The following RIMS2 variants were observed in gnomAD, a reference collection of about 807,000 sequenced individuals.
The protein encoded by RIMS2 is regulating synaptic membrane exocytosis protein 2.
In RIMS2, 59 loss-of-function variants were observed where a neutral mutation model predicts 174.4. The observed-to-expected ratio is 0.34, with a 90% CI of 0.27 to 0.42. The LOEUF is 0.42. RIMS2 is among the 10% of genes least tolerant of loss of function. The pLI, the probability that RIMS2 is intolerant of heterozygous loss-of-function variation, is 1.00. For synonymous variants in RIMS2, 606 were observed against 572.5 expected, an observed-to-expected ratio of 1.06 and a Z score of -0.84; for missense variants, 1,620 against 1,666.3, an observed-to-expected ratio of 0.97 and a Z score of 0.48.
At chr8:103,843,107 A>C (rs962325728) in intron 3 of RIMS2, among the ~76,000 whole-genome samples, 4 of 152,198 alleles carry the variant, frequency 2.6e-5, no homozygotes, top group Non-Finnish European at 5.9e-5. Context: ...ACATTCTGAG[A>C]TGCTGGGAGT....
chr8:103,525,657 A>T (rs1833644994), intron 1 of RIMS2, among the ~76,000 whole-genome samples: 1 of 152,236 alleles, frequency 6.6e-6, no homozygotes, highest in South Asian at 2.1e-4. Flanking sequence ...GGCAAAAATG[A>T]CAAAATATCT....
intron 1 of RIMS2, among the ~76,000 whole-genome samples, chr8:103,651,165 C>T (rs1039386628): frequency 7.9e-5 from 12 of 152,190 alleles, no homozygotes; most frequent in African/African-American, 2.9e-4. Flanking sequence ...GTGGGAGAAA[C>T]GTGGTTTCCT....
Position 104,121,810 on chromosome 8 carries a change from A to G in RIMS2, c.3334+107195A>G, listed in dbSNP as rs1004828787. ...AACCTCGTCTCTACTAAAAATACAA[A>G]AATTAGCCAGGCGTGGTGACACACG... is the stretch of plus-strand genomic sequence containing the variant. On this transcript the variant is annotated intron_variant, in intron 19 of 23. Coordinates refer to ENST00000504942, the Ensembl canonical transcript of RIMS2. Among the ~76,000 whole-genome samples, 165 of 152,128 alleles carry G rather than the reference A, an allele frequency of 1.1e-3. 4 individuals are homozygous for G. The highest frequency in any genetic ancestry group is 0.011 in the Admixed American group (164 of 15,290).
At chr8:103,936,553 A>T (rs1431997001) in exon 13 of RIMS2, 1 of 1,555,852 alleles carries the variant, frequency 6.4e-7, no homozygotes, top group Admixed American at 2.0e-5. Context: ...TTCCATAGTG[A>T]TAAAAACAAG....
chr8:103,585,965 C>T (rs775289290), intron 1 of RIMS2, among the ~76,000 whole-genome samples: 5 of 146,224 alleles, frequency 3.4e-5, no homozygotes, highest in Admixed American at 6.8e-5. Context: ...CAAGCAAAAT[C>T]GATCTCAAGA....
intron 3 of RIMS2, among the ~76,000 whole-genome samples, chr8:103,836,979 G>T (rs549144483): frequency 3.8e-4 from 58 of 152,316 alleles, no homozygotes; most frequent in African/African-American, 1.3e-3. Flanking sequence ...ATGAGCATAT[G>T]AATCTTTTAA....
intron 19 of RIMS2, among the ~76,000 whole-genome samples, chr8:104,075,289 C>T (rs937655807): frequency 8.5e-5 from 13 of 152,160 alleles, no homozygotes; most frequent in African/African-American, 3.1e-4. Flanking sequence ...TAGGCATGAT[C>T]TTGTGAACGC....
chr8:104,014,654 C>T, intron 19 of RIMS2, 39 bp downstream of exon 21: 1 of 1,253,374 alleles, frequency 8.0e-7, no homozygotes, highest in Non-Finnish European at 1.2e-6. Context: ...AGGAAATACA[C>T]ATGGAAGCTA....
intron 1 of RIMS2, among the ~76,000 whole-genome samples, chr8:103,655,738 G>A (rs897346558): frequency 2.2e-4 from 34 of 151,964 alleles, no homozygotes; most frequent in Non-Finnish European, 4.6e-4. Flanking sequence ...AAGTAGCAAG[G>A]GACACAAAGA....
At chr8:103,631,868 G>C (rs2095932635) in intron 1 of RIMS2, among the ~76,000 whole-genome samples, 1 of 152,216 alleles carries the variant, frequency 6.6e-6, no homozygotes, top group South Asian at 2.1e-4. Flanking sequence ...GTATTCTTAG[G>C]TATTTTATTC....
intron 19 of RIMS2, among the ~76,000 whole-genome samples, chr8:104,207,128 G>T (rs1452893059): frequency 6.6e-6 from 1 of 152,020 alleles, no homozygotes; most frequent in Non-Finnish European, 1.5e-5. Context: ...TGAAATGTCT[G>T]CCAAAGACCC....
intron 1 of RIMS2, among the ~76,000 whole-genome samples, chr8:103,547,261 G>C (rs1845552209): frequency 6.6e-6 from 1 of 152,152 alleles, no homozygotes; most frequent in South Asian, 2.1e-4. Flanking sequence ...CAAAGTAGAA[G>C]AGAGATTCCT....
At chr8:104,073,761 C>T (rs1019885568) in intron 19 of RIMS2, among the ~76,000 whole-genome samples, 7 of 152,164 alleles carry the variant, frequency 4.6e-5, no homozygotes, top group Non-Finnish European at 1.0e-4. Context: ...GCACTTTTCA[C>T]CTATATCCTG....
intron 1 of RIMS2, among the ~76,000 whole-genome samples, chr8:103,672,827 C>A (rs1281751087): frequency 6.6e-6 from 1 of 152,158 alleles, no homozygotes; most frequent in Non-Finnish European, 1.5e-5. Flanking sequence ...TCACAACAGT[C>A]CCCCAACATT....
intron 19 of RIMS2, among the ~76,000 whole-genome samples, chr8:104,021,607 T>G (rs553643767): frequency 6.6e-6 from 1 of 152,346 alleles, no homozygotes; most frequent in East Asian, 1.9e-4. Context: ...GCTAAATATT[T>G]TAACTAACTG....
At chr8:103,879,756 A>G (rs1033636378) in intron 3 of RIMS2, among the ~76,000 whole-genome samples, 3 of 151,354 alleles carry the variant, frequency 2.0e-5, no homozygotes, top group African/African-American at 7.3e-5. Context: ...ATCTTTTTCT[A>G]CTCGTCTAAC....
At chr8:104,170,513 C>CT (rs1391183521) in intron 19 of RIMS2, among the ~76,000 whole-genome samples, 3 of 151,948 alleles carry the variant, frequency 2.0e-5, no homozygotes, top group Non-Finnish European at 2.9e-5. Context: ...TGTGAAACAT[C>CT]TTTTTCCACC....
chr8:104,251,008 T>G lies in RIMS2; in HGVS notation c.3692-16T>G, dbSNP rs2099357377. On this transcript the variant is annotated splice_polypyrimidine_tract_variant and intron_variant, in intron 22 of 23. Transcript: ENST00000504942. ...ATAGTTTATTGCTCATTCTCCTCTG[T>G]GTTTTCTTTCCCAAGCACCGTATGT... 6.2e-7 allele frequency: 1 copy of G among 1,608,870 alleles called. No homozygotes were observed. Among genetic ancestry groups the G allele is most frequent in the African/African-American group, 1.3e-5 (1 of 74,802 alleles).
At chr8:103,712,143 C>A (rs7843757) in intron 2 of RIMS2, among the ~76,000 whole-genome samples, 1 of 150,610 alleles carries the variant, frequency 6.6e-6, no homozygotes, top group Non-Finnish European at 1.5e-5. Context: ...AGGTGCACAC[C>A]GCCTCACCCG....
Sources: gnomAD v4.1 joint callset for allele counts (sites outside exome capture counted in the v4.1 genomes callset) on GRCh38, gnomAD v4.1.1 for gene constraint, MANE v1.5 for transcripts, NCBI Gene and HGNC (gene_info 2026-07-23, HGNC 2026-07-21) for gene names.